The following MCF2L2 variants were observed in gnomAD, a reference collection of about 807,000 sequenced individuals.
The protein encoded by MCF2L2 is MCF.2 cell line derived transforming sequence-like 2, also known as probable guanine nucleotide exchange factor MCF2L2.
A neutral mutation model predicts 150.2 loss-of-function variants in MCF2L2; 102 were observed. The observed-to-expected ratio is 0.68, with a 90% CI of 0.58 to 0.80. The LOEUF is 0.80. Among genes scored for constraint, MCF2L2 ranks in the 30% least tolerant of loss-of-function variants. The probability of loss-of-function intolerance (pLI) is 0.00; values close to 1 mark genes in which losing one functional copy is unlikely to be tolerated. For missense variants in MCF2L2, 1,256 were observed against 1,372.8 expected, an observed-to-expected ratio of 0.91 and a Z score of 1.34; for synonymous variants, 465 against 491.3, an observed-to-expected ratio of 0.95 and a Z score of 0.71.
chr3:183,401,295 A>G (rs11715804), intron 1 of MCF2L2, among the ~76,000 whole-genome samples: 39,630 of 152,140 alleles, frequency 0.26, 6,047 homozygotes, highest in Non-Finnish European at 0.36. Context: ...AAAGAGCACA[A>G]TGTGAAATAG....
intron 3 of MCF2L2, among the ~76,000 whole-genome samples, chr3:183,348,138 C>T (rs1203914476): frequency 6.6e-6 from 1 of 152,038 alleles, no homozygotes; most frequent in African/African-American, 2.4e-5. Context: ...ATAGTAAAGA[C>T]CTAGAACCAA....
intron 3 of MCF2L2, among the ~76,000 whole-genome samples, chr3:183,363,801 A>AT (rs766982918): frequency 6.6e-6 from 1 of 152,174 alleles, no homozygotes; most frequent in African/African-American, 2.4e-5. Flanking sequence ...AAGAGACAAT[A>AT]TATCAGTAAA....
chr3:183,425,955 C>CA (rs58526088), intron 1 of MCF2L2, among the ~76,000 whole-genome samples: 12,682 of 138,006 alleles, frequency 0.092, 555 homozygotes, highest in African/African-American at 0.1. Flanking sequence ...AACTCCATCT[C>CA]AAAAAAAAAA....
intron 18 of MCF2L2, 76 bp from the exon 19 acceptor site, chr3:183,224,266 A>T: frequency 1.1e-6 from 1 of 944,190 alleles, no homozygotes; most frequent in Non-Finnish European, 1.7e-6. Context: ...CAGTTTATTC[A>T]TTCATTCAAC....
At chr3:183,199,659 C>T (rs867116421) in intron 25 of MCF2L2, among the ~76,000 whole-genome samples, 1 of 147,922 alleles carries the variant, frequency 6.8e-6, no homozygotes, top group Non-Finnish European at 1.5e-5. Flanking sequence ...TTCTAGGGTA[C>T]GTGTGCACAA....
At chr3:183,379,145 C>T (rs1713367790) in intron 3 of MCF2L2, 152 bp downstream of exon 3, 9 of 551,902 alleles carry the variant, frequency 1.6e-5, no homozygotes, top group African/African-American at 3.9e-5. Flanking sequence ...ATTCCTTGCT[C>T]GTGACTGATG....
intron 3 of MCF2L2, among the ~76,000 whole-genome samples, chr3:183,346,902 AAG>A (rs781668992): frequency 2.6e-5 from 4 of 152,218 alleles, no homozygotes; most frequent in Non-Finnish European, 4.4e-5. Flanking sequence ...TCAAGGAAAT[AAG>A]AGAGGACCCA....
At chr3:183,367,906 G>A (rs543016005) in intron 3 of MCF2L2, among the ~76,000 whole-genome samples, 24 of 152,340 alleles carry the variant, frequency 1.6e-4, no homozygotes, top group African/African-American at 5.8e-4. Context: ...AAGAAATACA[G>A]ACATAAATAT....
At chr3:183,327,337 AAAATAAAT>A (rs532688796) in intron 5 of MCF2L2, among the ~76,000 whole-genome samples, 6 of 152,164 alleles carry the variant, frequency 3.9e-5, no homozygotes, top group African/African-American at 1.4e-4. Flanking sequence ...AAAATAAATA[AAAATAAAT>A]AAATAAATAA....
intron 25 of MCF2L2, 137 bp downstream of exon 25, chr3:183,205,739 T>G: frequency 3.0e-6 from 2 of 660,100 alleles, no homozygotes; most frequent in Non-Finnish European, 5.5e-6. Flanking sequence ...CATAGGTGCT[T>G]CCAGGGACTG....
rs150678895 is a variant in MCF2L2, at chr3:183,306,398, T to C, written c.1113+3318A>G. Among the ~76,000 whole-genome samples, 1,062 of 152,344 alleles carry C rather than the reference T, an allele frequency of 7.0e-3. 12 individuals carry two copies. Among genetic ancestry groups the C allele is most frequent in the African/African-American group, 0.023 (976 of 41,572 alleles). On this transcript the variant is annotated intron_variant, in intron 10 of 29. Coordinates refer to ENST00000328913, the MANE Select transcript of MCF2L2 (RefSeq NM_015078.4). ...TGATCACAAGCCCATCTGGGATCTT[T>C]CAGATGCTGAAAATTCCAGAAGGCT...
chr3:183,220,029 G>A (rs1388790752), intron 20 of MCF2L2, 105 bp from the exon 21 acceptor site: 5 of 797,418 alleles, frequency 6.3e-6, no homozygotes, highest in Non-Finnish European at 1.1e-5. Context: ...CCAATGCTAA[G>A]CTGACTGAGA....
chr3:183,295,595 AC>A (rs148624219), intron 12 of MCF2L2, 118 bp from the exon 13 acceptor site: 3 of 964,804 alleles, frequency 3.1e-6, no homozygotes, highest in East Asian at 2.6e-5. Flanking sequence ...CCCTCAGGTG[AC>A]CCCCTCTGGG....
intron 16 of MCF2L2, among the ~76,000 whole-genome samples, chr3:183,230,177 G>A (rs1723495506): frequency 6.6e-6 from 1 of 152,136 alleles, no homozygotes; most frequent in Non-Finnish European, 1.5e-5. Context: ...GCAATGGCGT[G>A]ATCTCGGCTC....
At chr3:183,255,934 T>C (rs920444332) in intron 15 of MCF2L2, among the ~76,000 whole-genome samples, 1 of 152,210 alleles carries the variant, frequency 6.6e-6, no homozygotes, top group African/African-American at 2.4e-5. Flanking sequence ...TCATTGCACT[T>C]GGTGACTTTC....
At chr3:183,200,077 A>C (rs1296304680) in intron 25 of MCF2L2, among the ~76,000 whole-genome samples, 3 of 152,188 alleles carry the variant, frequency 2.0e-5, no homozygotes, top group Non-Finnish European at 4.4e-5. Context: ...ATAGTGCTGC[A>C]ATAAACATAC....
intron 1 of MCF2L2, among the ~76,000 whole-genome samples, chr3:183,396,535 T>C (rs1324089140): frequency 1.3e-5 from 2 of 152,202 alleles, no homozygotes; most frequent in Non-Finnish European, 2.9e-5. Context: ...TGACTTTAGA[T>C]GACTGTTCTC....
intron 3 of MCF2L2, among the ~76,000 whole-genome samples, chr3:183,360,563 C>T (rs180680360): frequency 3.3e-5 from 5 of 150,900 alleles, no homozygotes; most frequent in South Asian, 4.1e-4. Flanking sequence ...AGAATGAGAA[C>T]CTGTCTCAAA....
intron 2 of MCF2L2, among the ~76,000 whole-genome samples, chr3:183,382,780 T>TTTTA (rs1713610870): frequency 1.3e-5 from 2 of 152,188 alleles, no homozygotes; most frequent in Non-Finnish European, 2.9e-5. Flanking sequence ...ATAGTTTTAG[T>TTTTA]GCAGAAAACA....
Sources: allele counts gnomAD v4.1 joint callset (sites outside exome capture counted in the v4.1 genomes callset), GRCh38; gene constraint gnomAD v4.1.1; transcripts MANE v1.5; gene names NCBI Gene and HGNC (gene_info 2026-07-23, HGNC 2026-07-21).